ENAH: variants seen among roughly 807,000 people sequenced by gnomAD.
ENAH encodes protein enabled homolog.
ENAH carries 23 observed loss-of-function variants against 78.7 expected under a neutral mutation model. The observed-to-expected ratio is 0.29, with a 90% CI of 0.21 to 0.41. The LOEUF (loss-of-function observed/expected upper bound fraction) is 0.41. Ranked by LOEUF, ENAH falls within the 10% of genes least tolerant of loss-of-function variation. The pLI, the probability that ENAH is intolerant of heterozygous loss-of-function variation, is 1.00. For synonymous variants in ENAH, 226 were observed against 241.0 expected (o/e 0.94, Z 0.58); for missense variants, 544 against 691.0 (o/e 0.79, Z 2.39).
At chr1:225,548,901 G>A (rs2096628339) in intron 3 of ENAH, among the ~76,000 whole-genome samples, 1 of 149,590 alleles carries the variant, frequency 6.7e-6, no homozygotes, top group African/African-American at 2.5e-5. Context: ...CCAGGCTGGA[G>A]TGCAGTGGCA....
At position 225,492,629 on chromosome 1, in the gene ENAH, A is replaced by AT. The variant is rs1459859204; in HGVS notation, c.*5145dup. On this transcript the variant is annotated 3_prime_UTR_variant, in exon 14 of 14. Coordinates refer to ENST00000366843, the MANE Select transcript of ENAH (RefSeq NM_018212.6). ...ACACTTAATTGGGGCTTCATCTTTG[A>AT]TTTTTTCTGCATGTTAATCTGCAAA... The AT allele has an allele frequency of 6.6e-6, 1 of 151,968 alleles. No homozygotes were observed. The highest frequency in any genetic ancestry group is 1.5e-5 in the Non-Finnish European group (1 of 68,012). 9.4% of individuals were successfully genotyped at this position (151,968 alleles called of 1,614,324 possible). A position where few individuals can be genotyped will look rare whatever the true frequency, so the allele number is the denominator to read the frequency against.
chr1:225,498,051 G>A (rs1187935831), intron 13 of ENAH, among the ~76,000 whole-genome samples: 3 of 152,106 alleles, frequency 2.0e-5, no homozygotes, highest in East Asian at 3.9e-4. Context: ...AAAAACAAGA[G>A]GACACTGGGA....
At chr1:225,558,151 G>A (rs1046707886) in intron 2 of ENAH, among the ~76,000 whole-genome samples, 1 of 152,094 alleles carries the variant, frequency 6.6e-6, no homozygotes, top group Non-Finnish European at 1.5e-5. Context: ...TTTTATGAGT[G>A]AGATTAACCT....
intron 7 of ENAH, 140 bp downstream of exon 7, chr1:225,514,456 T>C (rs2096401493): frequency 1.3e-6 from 1 of 797,280 alleles, no homozygotes. Context: ...TATGAGCCAT[T>C]GCGCCAGGGT....
chr1:225,569,825 T>A (rs188277860), intron 1 of ENAH, among the ~76,000 whole-genome samples: 18 of 152,188 alleles, frequency 1.2e-4, no homozygotes, highest in Non-Finnish European at 2.2e-4. Context: ...AGCTGAGGTG[T>A]TATTGGAGAG....
intron 1 of ENAH, among the ~76,000 whole-genome samples, chr1:225,637,232 G>A (rs905371078): frequency 2.6e-5 from 4 of 152,108 alleles, no homozygotes; most frequent in Non-Finnish European, 2.9e-5. Flanking sequence ...TTGTGAGACA[G>A]GGTCTCACTC....
intron 4 of ENAH, among the ~76,000 whole-genome samples, chr1:225,520,935 AGGG>A (rs2096462728): frequency 2.6e-3 from 2 of 778 alleles, no homozygotes; most frequent in Non-Finnish European, 9.9e-3. Context: ...GGAGGGAGGG[AGGG>A]AGGGAGGGAG....
intron 1 of ENAH, among the ~76,000 whole-genome samples, chr1:225,568,596 T>C (rs1227273785): frequency 6.6e-6 from 1 of 152,234 alleles, no homozygotes; most frequent in Non-Finnish European, 1.5e-5. Context: ...GCACTGCTTA[T>C]TCTATCAATT....
chr1:225,531,175 G>A (rs1194917827), intron 3 of ENAH: 3 of 396,532 alleles, frequency 7.6e-6, no homozygotes, highest in Non-Finnish European at 1.3e-5. Flanking sequence ...TAATAGCCTA[G>A]CATTTCCAGC....
intron 1 of ENAH, among the ~76,000 whole-genome samples, chr1:225,575,497 T>C (rs2096783906): frequency 6.6e-6 from 1 of 152,236 alleles, no homozygotes; most frequent in African/African-American, 2.4e-5. Flanking sequence ...TTAAAATACT[T>C]ATTAAGCATG....
chr1:225,648,440 T>A (rs1044689606), intron 1 of ENAH, among the ~76,000 whole-genome samples: 1 of 152,248 alleles, frequency 6.6e-6, no homozygotes. Context: ...GGTGCCTCCA[T>A]AGTTATTTTG....
rs895809074 is a variant in ENAH at position 225,515,141 on chromosome 1, A to T, written c.914-241T>A. 3.7e-4 allele frequency: 173 copies of T among 465,452 alleles called. 1 individual carries two copies. The highest frequency in any genetic ancestry group is 5.6e-5 in the Non-Finnish European group (15 of 267,264). 28.8% of individuals were successfully genotyped at this position (465,452 alleles called of 1,614,324 possible). ...CTTTAGTAATAGAACTATGCAACAG[A>T]TCATCTAATTAAGACTTTTTTTTTT... On this transcript the variant is annotated intron_variant, in intron 6 of 13. Coordinates refer to ENST00000366843, the MANE Select transcript of ENAH (RefSeq NM_018212.6).
At chr1:225,628,349 T>A (rs1658328424) in intron 1 of ENAH, among the ~76,000 whole-genome samples, 1 of 152,192 alleles carries the variant, frequency 6.6e-6, no homozygotes, top group Non-Finnish European at 1.5e-5. Context: ...GAAATCCATC[T>A]TAAGGAATTA....
chr1:225,570,328 C>A (rs532195715), intron 1 of ENAH, among the ~76,000 whole-genome samples: 4 of 152,126 alleles, frequency 2.6e-5, no homozygotes, highest in Admixed American at 6.5e-5. Flanking sequence ...CTAGAGACAT[C>A]CTGCCATGTA....
chr1:225,614,884 G>A (rs1220534330), intron 1 of ENAH, among the ~76,000 whole-genome samples: 3 of 152,068 alleles, frequency 2.0e-5, no homozygotes, highest in African/African-American at 7.2e-5. Context: ...ATTCCATAAG[G>A]TAAGTAACCC....
At chr1:225,499,490 G>A (rs1463964463) in intron 12 of ENAH, among the ~76,000 whole-genome samples, 1 of 152,128 alleles carries the variant, frequency 6.6e-6, no homozygotes, top group Non-Finnish European at 1.5e-5. Context: ...TGGCCAACAT[G>A]GTGAAACCCT....
At chr1:225,525,278 C>A (rs751159583) in intron 4 of ENAH, among the ~76,000 whole-genome samples, 11 of 152,186 alleles carry the variant, frequency 7.2e-5, no homozygotes, top group Non-Finnish European at 1.3e-4. Flanking sequence ...AAACTCATAC[C>A]ACCACTTTGG....
intron 1 of ENAH, among the ~76,000 whole-genome samples, chr1:225,608,544 C>T (rs2096969637): frequency 6.6e-6 from 1 of 151,652 alleles, no homozygotes; most frequent in African/African-American, 2.4e-5. Flanking sequence ...GGCCAGGCAC[C>T]GTGGCTCACG....
At chr1:225,547,124 T>A (rs2096618442) in intron 3 of ENAH, among the ~76,000 whole-genome samples, 1 of 151,876 alleles carries the variant, frequency 6.6e-6, no homozygotes, top group Admixed American at 6.6e-5. Flanking sequence ...CAGGCTGGAG[T>A]GCAGTGGTGC....
Sources: gnomAD v4.1 joint callset for allele counts (sites outside exome capture counted in the v4.1 genomes callset) on GRCh38, gnomAD v4.1.1 for gene constraint, MANE v1.5 for transcripts, NCBI Gene and HGNC (gene_info 2026-07-23, HGNC 2026-07-21) for gene names.